The following FHIT variants were observed in gnomAD, a reference collection of about 807,000 sequenced individuals.
The protein encoded by FHIT is fragile histidine triad diadenosine triphosphatase.
Under a neutral mutation model 17.9 loss-of-function variants are expected in FHIT, and 19 were observed. The ratio of observed to expected loss-of-function variants is 1.06; its 90% CI spans 0.74 to 1.56. FHIT has a LOEUF of 1.56. FHIT is among the 40% of genes most tolerant of loss of function. The pLI is 0.00. For synonymous variants in FHIT, 81 were observed against 69.7 expected (o/e 1.16, Z -0.81); for missense variants, 248 against 189.2 (o/e 1.31, Z -1.82).
intron 7 of FHIT, among the ~76,000 whole-genome samples, chr3:59,924,355 T>G (rs1332312861): frequency 6.6e-6 from 1 of 152,146 alleles, no homozygotes; most frequent in Non-Finnish European, 1.5e-5. Context: ...ATCATCTCCC[T>G]TATACATTCT....
intron 3 of FHIT, among the ~76,000 whole-genome samples, chr3:61,035,312 A>G (rs1301183474): frequency 2.6e-5 from 4 of 152,138 alleles, no homozygotes; most frequent in Non-Finnish European, 5.9e-5. Context: ...TAAATTTTTA[A>G]ATCATATATT....
chr3:60,075,491 G>A (rs893237840), intron 5 of FHIT, among the ~76,000 whole-genome samples: 13 of 152,028 alleles, frequency 8.6e-5, no homozygotes, highest in African/African-American at 9.7e-5. Context: ...CATATTATTC[G>A]AGTGTTTGTT....
chr3:60,314,814 G>T (rs1466863430), intron 5 of FHIT, among the ~76,000 whole-genome samples: 1 of 152,152 alleles, frequency 6.6e-6, no homozygotes, highest in Non-Finnish European at 1.5e-5. Flanking sequence ...GCTGGGTGCG[G>T]TGGCTCATGC....
rs529726293 is a variant in FHIT, at chr3:60,923,573, C to T, written c.-110-101562G>A. Among the ~76,000 whole-genome samples the T allele has an allele frequency of 2.0e-4, 30 of 152,150 alleles. 1 individual carries two copies. The South Asian group carries it at 5.2e-3, about 26-fold the overall frequency. ...TAATTATGTATTTAAAACATATTCA[C>T]GAGGTGGAGCCAAGATGGCCGAATA... On this transcript the variant is annotated intron_variant, in intron 3 of 9. Transcript: ENST00000492590.
intron 3 of FHIT, among the ~76,000 whole-genome samples, chr3:60,922,138 T>A (rs573073135): frequency 3.3e-5 from 5 of 152,164 alleles, no homozygotes; most frequent in Non-Finnish European, 7.4e-5. Flanking sequence ...TCACCTGCCA[T>A]GGTGGGGTCT....
At chr3:60,309,079 C>T (rs755512004) in intron 5 of FHIT, among the ~76,000 whole-genome samples, 1 of 152,118 alleles carries the variant, frequency 6.6e-6, no homozygotes, top group Non-Finnish European at 1.5e-5. Context: ...TGATAATTGA[C>T]AGTTGTTTCC....
chr3:59,866,210 A>G (rs1176154632), intron 8 of FHIT, among the ~76,000 whole-genome samples: 2 of 151,968 alleles, frequency 1.3e-5, no homozygotes, highest in Admixed American at 1.3e-4. Context: ...ATCTGAGCTG[A>G]GTCATGAATA....
intron 5 of FHIT, among the ~76,000 whole-genome samples, chr3:60,192,945 G>C (rs1241089876): frequency 6.6e-6 from 1 of 152,172 alleles, no homozygotes; most frequent in Admixed American, 6.5e-5. Context: ...TCCACTGCCA[G>C]TGAAAGAATA....
intron 3 of FHIT, among the ~76,000 whole-genome samples, chr3:60,964,739 T>G (rs1242861710): frequency 6.6e-6 from 1 of 152,216 alleles, no homozygotes; most frequent in African/African-American, 2.4e-5. Flanking sequence ...ATTCTTGTCT[T>G]TAAGAATGTT....
chr3:61,064,723 T>G (rs986162019), intron 2 of FHIT, among the ~76,000 whole-genome samples: 15 of 152,172 alleles, frequency 9.9e-5, no homozygotes, highest in African/African-American at 3.6e-4. Context: ...TGCTGTTAGC[T>G]TTTCAAGATG....
chr3:60,346,896 A>C (rs1298013041), intron 5 of FHIT, among the ~76,000 whole-genome samples: 1 of 152,200 alleles, frequency 6.6e-6, no homozygotes, highest in African/African-American at 2.4e-5. Context: ...ATGTTTTAAA[A>C]TAGATTTTTA....
chr3:59,785,270 T>C (rs889248396), intron 8 of FHIT, among the ~76,000 whole-genome samples: 1 of 151,674 alleles, frequency 6.6e-6, no homozygotes, highest in African/African-American at 2.4e-5. Flanking sequence ...TATAAATGTT[T>C]CCAGTATAAC....
chr3:60,756,697 T>C (rs927417379), intron 4 of FHIT, among the ~76,000 whole-genome samples: 4 of 152,316 alleles, frequency 2.6e-5, no homozygotes, highest in Admixed American at 2.0e-4. Flanking sequence ...TCACCTGTGA[T>C]CCTAAAACAA....
At chr3:60,767,113 A>C (rs539577779) in intron 4 of FHIT, among the ~76,000 whole-genome samples, 1 of 152,362 alleles carries the variant, frequency 6.6e-6, no homozygotes, top group Non-Finnish European at 1.5e-5. Context: ...AAATGTTAAC[A>C]GAAATTCTAC....
chr3:61,079,817 A>G (rs996170533), intron 2 of FHIT, among the ~76,000 whole-genome samples: 4 of 152,240 alleles, frequency 2.6e-5, no homozygotes, highest in Non-Finnish European at 4.4e-5. Context: ...CTTGCCCTTC[A>G]GGTACATACC....
intron 5 of FHIT, among the ~76,000 whole-genome samples, chr3:60,109,857 T>C (rs1451077243): frequency 6.6e-6 from 1 of 152,168 alleles, no homozygotes; most frequent in African/African-American, 2.4e-5. Flanking sequence ...GCAGCCAAAA[T>C]TAAACCAATG....
intron 5 of FHIT, among the ~76,000 whole-genome samples, chr3:60,240,433 G>A (rs530293834): frequency 1.2e-4 from 19 of 152,152 alleles, no homozygotes; most frequent in South Asian, 2.1e-4. Flanking sequence ...ATATGCTACC[G>A]AGGATGCAAA....
chr3:60,484,529 A>G (rs2033754090), intron 5 of FHIT, among the ~76,000 whole-genome samples: 1 of 152,174 alleles, frequency 6.6e-6, no homozygotes, highest in African/African-American at 2.4e-5. Flanking sequence ...ATCTATAACC[A>G]TCTGATCTTC....
intron 8 of FHIT, among the ~76,000 whole-genome samples, chr3:59,754,059 C>T (rs1701069186): frequency 6.6e-6 from 1 of 152,146 alleles, no homozygotes; most frequent in Admixed American, 6.6e-5. Flanking sequence ...AGGCCCCAAA[C>T]TCTAAATCTA....
Sources: allele counts gnomAD v4.1 joint callset (sites outside exome capture counted in the v4.1 genomes callset), GRCh38; gene constraint gnomAD v4.1.1; transcripts MANE v1.5; gene names NCBI Gene and HGNC (gene_info 2026-07-23, HGNC 2026-07-21).